Variants in EFR3A observed in about 807,000 individuals in gnomAD.
The protein encoded by EFR3A is EFR3 homolog A.
Under a neutral mutation model 104.4 loss-of-function variants are expected in EFR3A, and 76 were observed. The ratio of observed to expected loss-of-function variants is 0.73; its 90% CI spans 0.60 to 0.88. The LOEUF (loss-of-function observed/expected upper bound fraction) is 0.88. Among genes scored for constraint, EFR3A ranks in the 40% least tolerant of loss-of-function variants. EFR3A has a pLI of 0.00. For missense variants in EFR3A, 985 were observed against 1,012.5 expected (o/e 0.97, Z 0.37); for synonymous variants, 330 against 330.0 (o/e 1.00, Z 0.00).
At chr8:131,909,766 C>T (rs1055704436) in intron 1 of EFR3A, among the ~76,000 whole-genome samples, 24 of 152,178 alleles carry the variant, frequency 1.6e-4, no homozygotes, top group African/African-American at 5.1e-4. Context: ...TTGGCCTCTA[C>T]GAACTGGAAG....
intron 3 of EFR3A, 89 bp downstream of exon 3, chr8:131,944,961 T>G (rs1818360489): frequency 7.1e-7 from 1 of 1,399,604 alleles, no homozygotes; most frequent in Admixed American, 2.4e-5. Flanking sequence ...TGCCATTTAG[T>G]GAGACAAAGA....
chr8:131,970,361 T>A, intron 9 of EFR3A, 115 bp from the exon 10 acceptor site: 1 of 960,062 alleles, frequency 1.0e-6, no homozygotes. Context: ...TAAATTACTA[T>A]GGATTTCTGA....
chr8:132,011,227 A>G lies in EFR3A; in HGVS notation c.*332A>G. 1 of 1,009,102 alleles carries G rather than the reference A, an allele frequency of 9.9e-7. No individual in the cohort carries two copies. Among genetic ancestry groups the G allele is most frequent in the Non-Finnish European group, 1.2e-6 (1 of 843,550 alleles). 62.5% of individuals were successfully genotyped at this position (1,009,102 alleles called of 1,614,324 possible). Reference sequence around the variant, plus strand: ...AATGTTTTTTAAAAAGTAAGCCTTCAGAGGATTGAAACTGTATAAATTGTT... The same window carrying G: ...AATGTTTTTTAAAAAGTAAGCCTTCGGAGGATTGAAACTGTATAAATTGTT... On this transcript the variant is annotated 3_prime_UTR_variant, in exon 23 of 23. Transcript: ENST00000254624.
intron 22 of EFR3A, among the ~76,000 whole-genome samples, chr8:132,004,494 C>T (rs1821940342): frequency 6.6e-6 from 1 of 152,214 alleles, no homozygotes; most frequent in African/African-American, 2.4e-5. Flanking sequence ...TCAATTTCAT[C>T]CTGAAATCAT....
chr8:131,976,148 T>A lies in EFR3A; in HGVS notation c.1274+7T>A. On this transcript the variant is annotated splice_region_variant and intron_variant, in intron 11 of 22. Coordinates refer to ENST00000254624, the MANE Select transcript of EFR3A (RefSeq NM_015137.6). Reference sequence around the variant, plus strand: ...TGGATATCAGTCAACTAGGGTATGTTCTCAGACTGTAAATTTGAACTTAAT... The same window carrying A: ...TGGATATCAGTCAACTAGGGTATGTACTCAGACTGTAAATTTGAACTTAAT... 1 of 1,474,398 alleles carries A rather than the reference T, an allele frequency of 6.8e-7. No individual in the cohort carries two copies. The highest frequency in any genetic ancestry group is 9.4e-7 in the Non-Finnish European group (1 of 1,068,916). 91.3% of individuals were successfully genotyped at this position (1,474,398 alleles called of 1,614,324 possible).
intron 22 of EFR3A, among the ~76,000 whole-genome samples, chr8:132,004,515 C>T (rs1264888199): frequency 6.6e-6 from 1 of 152,188 alleles, no homozygotes; most frequent in African/African-American, 2.4e-5. Context: ...CCCCCCAGTC[C>T]CCATCCTTGG....
Position 132,008,846 on chromosome 8 carries a change from CAAAAAAAAAAAAAAAAAA to C in EFR3A, c.2361-1933_2361-1916del, listed in dbSNP as rs55964352. 4.4e-4 allele frequency among the ~76,000 whole-genome samples: 14 copies of C among 32,170 alleles called. No individual in the cohort carries two copies. In the East Asian group the frequency reaches 6.7e-3, roughly 15 times the overall value. 21.1% of individuals were successfully genotyped at this position (32,170 alleles called of 152,430 possible). On this transcript the variant is annotated intron_variant, in intron 22 of 22. Coordinates refer to ENST00000254624, the MANE Select transcript of EFR3A (RefSeq NM_015137.6). ...GGGTGACAAGAGTAAAACTCCATCT[CAAAAAAAAAAAAAAAAAA>C]AAAAAAAAAAGAAAGTGTTCATTAT... is the stretch of plus-strand genomic sequence containing the variant.
intron 10 of EFR3A, among the ~76,000 whole-genome samples, chr8:131,971,190 C>T (rs886987006): frequency 6.6e-6 from 1 of 152,078 alleles, no homozygotes; most frequent in African/African-American, 2.4e-5. Flanking sequence ...TCAGTTTTAT[C>T]AGTTGACCCA....
At chr8:131,984,821 C>A in intron 15 of EFR3A, 108 bp from the exon 16 acceptor site, 3 of 1,010,772 alleles carry the variant, frequency 3.0e-6, no homozygotes, top group Non-Finnish European at 4.2e-6. Flanking sequence ...GATAAAGTGG[C>A]ATTTTTGTTA....
At position 131,978,920 on chromosome 8, in the gene EFR3A, C is replaced by T. The variant is rs776840500; in HGVS notation, c.1400C>T (p.Pro467Leu). ...TCTTTCCTGGATCCTTTGTTATCAC[C>T]ATCTCTCATGGAGGACTACGAACTG... ...PGSFLDPLLS[P>L]SLMEDYELRQ... is the part of the protein sequence containing the mutation. Residue 467 changes from proline (P) to leucine (L), a missense_variant, in exon 13 of 23, where the codon CCA (proline) becomes CTA (leucine). Coordinates refer to ENST00000254624, the MANE Select transcript of EFR3A (RefSeq NM_015137.6). 4 of 1,612,886 alleles carry T rather than the reference C, an allele frequency of 2.5e-6. No homozygotes were observed. The highest frequency in any genetic ancestry group is 3.4e-6 in the Non-Finnish European group (4 of 1,179,194).
intron 18 of EFR3A, among the ~76,000 whole-genome samples, chr8:131,991,557 A>C (rs1821183530): frequency 6.6e-6 from 1 of 152,044 alleles, no homozygotes; most frequent in Non-Finnish European, 1.5e-5. Context: ...CAGTTAGGAG[A>C]TAGGACTGGG....
At chr8:131,998,509 T>TA (rs1814372227) in intron 19 of EFR3A, among the ~76,000 whole-genome samples, 1 of 152,006 alleles carries the variant, frequency 6.6e-6, no homozygotes, top group Admixed American at 6.5e-5. Flanking sequence ...CTCAAATTGT[T>TA]ACTCTAGTCT....
chr8:131,977,693 T>C (rs1251364419), intron 12 of EFR3A, among the ~76,000 whole-genome samples: 2 of 152,180 alleles, frequency 1.3e-5, no homozygotes, highest in Non-Finnish European at 2.9e-5. Flanking sequence ...CTAGAAATGT[T>C]TACTATACAT....
chr8:132,008,277 C>T (rs1000226708), intron 22 of EFR3A, among the ~76,000 whole-genome samples: 3 of 151,968 alleles, frequency 2.0e-5, no homozygotes, highest in African/African-American at 4.8e-5. Flanking sequence ...ATGTTTGAAT[C>T]GCCAATAAGC....
chr8:131,919,596 A>C (rs1229868469), intron 1 of EFR3A, among the ~76,000 whole-genome samples: 1 of 125,258 alleles, frequency 8.0e-6, no homozygotes, highest in African/African-American at 3.5e-5. Flanking sequence ...ACTCCGTCTC[A>C]AAAAAAAAAA....
chr8:131,990,356 G>T (rs1224264302), intron 18 of EFR3A, among the ~76,000 whole-genome samples: 1 of 152,144 alleles, frequency 6.6e-6, no homozygotes, highest in Non-Finnish European at 1.5e-5. Context: ...TTTAATCCAG[G>T]TTTGGCTGGC....
Position 131,939,722 on chromosome 8 carries a change from T to C in EFR3A, c.11-777T>C, listed in dbSNP as rs1818073878. 3.9e-5 allele frequency among the ~76,000 whole-genome samples: 6 copies of C among 152,302 alleles called. 1 individual carries two copies. The highest frequency in any genetic ancestry group is 2.6e-4 in the Admixed American group (4 of 15,290). On this transcript the variant is annotated intron_variant, in intron 1 of 22. Transcript: ENST00000254624. ...TTCAGGTTATAAGCTTCTTTCATCATTGCAATACAGGACCTGGCTCAGTGC... is the reference window on the plus strand; with the variant it reads ...TTCAGGTTATAAGCTTCTTTCATCACTGCAATACAGGACCTGGCTCAGTGC...
chr8:131,909,153 T>TG (rs1405855371), intron 1 of EFR3A, among the ~76,000 whole-genome samples: 1 of 152,244 alleles, frequency 6.6e-6, no homozygotes, highest in Non-Finnish European at 1.5e-5. Context: ...CACATGCTTC[T>TG]GGCCTATATG....
chr8:131,909,949 C>T (rs1450461496), intron 1 of EFR3A, among the ~76,000 whole-genome samples: 1 of 152,204 alleles, frequency 6.6e-6, no homozygotes, highest in Admixed American at 6.5e-5. Context: ...TGCAGGGTCC[C>T]CAGCCTGCTC....
Sources: allele counts gnomAD v4.1 joint callset (sites outside exome capture counted in the v4.1 genomes callset), GRCh38; gene constraint gnomAD v4.1.1; transcripts MANE v1.5; gene names NCBI Gene and HGNC (gene_info 2026-07-23, HGNC 2026-07-21).